Variants in PSMA1 observed in about 807,000 individuals in gnomAD.
PSMA1 encodes the protein proteasome subunit alpha type-1.
In PSMA1, 3 loss-of-function variants were observed where a neutral mutation model predicts 38.4. That is an observed-to-expected ratio of 0.08 (90% CI 0.04 to 0.20). The LOEUF (loss-of-function observed/expected upper bound fraction) is 0.20. Among genes scored for constraint, PSMA1 ranks in the 10% least tolerant of loss-of-function variants. The pLI, the probability that PSMA1 is intolerant of heterozygous loss-of-function variation, is 1.00. For missense variants in PSMA1, 227 were observed against 325.3 expected (o/e 0.70, Z 2.32); for synonymous variants, 101 against 107.1 (o/e 0.94, Z 0.35).
chr11:14,539,994 A>G (rs1851754450), intron 2 of PSMA1, among the ~76,000 whole-genome samples: 1 of 152,244 alleles, frequency 6.6e-6, no homozygotes, highest in Admixed American at 6.5e-5. Flanking sequence ...GATTTGCAGC[A>G]TTTAGCCTGT....
intron 2 of PSMA1, among the ~76,000 whole-genome samples, chr11:14,588,518 CAG>C (rs984396444): frequency 5.9e-5 from 9 of 152,030 alleles, no homozygotes; most frequent in African/African-American, 2.2e-4. Context: ...AAAGAAAAAA[CAG>C]AGTTTGGAGA....
At chr11:14,583,744 T>C in intron 2 of PSMA1, among the ~76,000 whole-genome samples, 1 of 152,316 alleles carries the variant, frequency 6.6e-6, no homozygotes, top group East Asian at 1.9e-4. Flanking sequence ...GACACAACAT[T>C]AGGAGAAAAG....
At chr11:14,587,065 A>T (rs762901893) in intron 2 of PSMA1, among the ~76,000 whole-genome samples, 1 of 152,140 alleles carries the variant, frequency 6.6e-6, no homozygotes, top group Non-Finnish European at 1.5e-5. Context: ...CATTCATCAT[A>T]GCCCCAAATT....
Position 14,520,385 on chromosome 11 carries a change from A to G in PSMA1, c.-86T>C. The G allele has an allele frequency of 6.2e-7, 1 of 1,613,996 alleles. No homozygotes were observed. Among genetic ancestry groups the G allele is most frequent in the Non-Finnish European group, 8.5e-7 (1 of 1,179,922 alleles). On this transcript the variant is annotated 5_prime_UTR_variant, in exon 1 of 10. Coordinates refer to ENST00000396394, the MANE Select transcript of PSMA1 (RefSeq NM_002786.4). ...GAAAGTATCGCTCAGCGATCTACAG[A>G]GAAGTCTGCGGGAGTTTGACGGCGG...
intron 2 of PSMA1, among the ~76,000 whole-genome samples, chr11:14,537,147 A>G (rs1372642435): frequency 6.6e-6 from 1 of 152,234 alleles, no homozygotes; most frequent in Non-Finnish European, 1.5e-5. Context: ...ATTGTTTACA[A>G]TAAAAGTAAT....
chr11:14,538,514 T>C (rs1851736334), intron 2 of PSMA1, among the ~76,000 whole-genome samples: 1 of 152,236 alleles, frequency 6.6e-6, no homozygotes, highest in Non-Finnish European at 1.5e-5. Flanking sequence ...TACGCCAGCT[T>C]CCATATCCCT....
chr11:14,574,357 G>C (rs551769616), intron 2 of PSMA1, among the ~76,000 whole-genome samples: 1 of 152,176 alleles, frequency 6.6e-6, no homozygotes, highest in African/African-American at 2.4e-5. Flanking sequence ...GTGGCTCAAA[G>C]TTACCCAGGT....
intron 1 of PSMA1, among the ~76,000 whole-genome samples, chr11:14,615,997 G>A (rs1590011723): frequency 6.6e-6 from 1 of 152,162 alleles, no homozygotes; most frequent in East Asian, 1.9e-4. Flanking sequence ...TGAGAATCAA[G>A]TAAAGAGCTG....
At chr11:14,561,470 G>A (rs1020993610) in intron 2 of PSMA1, among the ~76,000 whole-genome samples, 1 of 152,178 alleles carries the variant, frequency 6.6e-6, no homozygotes, top group Non-Finnish European at 1.5e-5. Context: ...TTTGGCTTTT[G>A]CAGTCAGCTG....
At chr11:14,627,271 G>A (rs1852923381) in intron 1 of PSMA1, among the ~76,000 whole-genome samples, 1 of 152,122 alleles carries the variant, frequency 6.6e-6, no homozygotes, top group Non-Finnish European at 1.5e-5. Flanking sequence ...ATCCATTCCA[G>A]GGTCTATTCG....
In PSMA1 at chr11:14,639,303, A is replaced by AAAAT; in HGVS notation, c.-166+4151_-166+4152insATTT. 2.0e-5 allele frequency among the ~76,000 whole-genome samples: 3 copies of AAAAT among 152,332 alleles called. No individual in the cohort carries two copies. In the East Asian group the frequency reaches 5.8e-4, roughly 29 times the overall value. On this transcript the variant is annotated intron_variant, in intron 1 of 10. Coordinates refer to the PSMA1 transcript ENST00000418988. ...AGTGATTTGGTGCAAATGAATGTTAAGAAAAATATTTTAAAATCACAATAT... is the reference window on the plus strand; with the variant it reads ...AGTGATTTGGTGCAAATGAATGTTAAAAATGAAAAATATTTTAAAATCACAATAT...
chr11:14,592,710 G>T (rs1244729886), intron 2 of PSMA1, among the ~76,000 whole-genome samples: 1 of 152,122 alleles, frequency 6.6e-6, no homozygotes, highest in Admixed American at 6.5e-5. Context: ...GTAGAATTTT[G>T]TTTCTTGCTT....
At position 14,581,551 on chromosome 11, in the gene PSMA1, T is replaced by C. The variant is rs965264638; in HGVS notation, c.21+29415A>G. 1.3e-5 allele frequency among the ~76,000 whole-genome samples: 2 copies of C among 152,178 alleles called. 1 individual carries two copies. Among genetic ancestry groups the C allele is most frequent in the Non-Finnish European group, 2.9e-5 (2 of 68,030 alleles). On this transcript the variant is annotated intron_variant, in intron 2 of 10. Transcript: ENST00000418988. ...CAGTAAGTGTTATCTATGTTATAACTATTCAGAGGCAAATACACTAAAAAA... is the reference window on the plus strand; with the variant it reads ...CAGTAAGTGTTATCTATGTTATAACCATTCAGAGGCAAATACACTAAAAAA...
chr11:14,507,645 T>C lies in PSMA1; in HGVS notation c.735+11A>G, dbSNP rs775298557. ...AATAGAACTAAAGCCTCTTGTGTTA[T>C]GATTATATACCTGTGCCTTTCTCTG... On this transcript the variant is annotated intron_variant, in intron 9 of 9. Transcript: ENST00000396394. 2.5e-5 allele frequency: 38 copies of C among 1,545,966 alleles called. No homozygotes were observed. Among genetic ancestry groups the C allele is most frequent in the South Asian group, 5.6e-5 (5 of 89,608 alleles).
intron 2 of PSMA1, among the ~76,000 whole-genome samples, chr11:14,549,579 T>G (rs183621009): frequency 6.6e-6 from 1 of 151,800 alleles, no homozygotes; most frequent in Non-Finnish European, 1.5e-5. Context: ...CGGGCCCCTG[T>G]AGTCCCAGCT....
intron 2 of PSMA1, among the ~76,000 whole-genome samples, chr11:14,596,047 T>G (rs1852488118): frequency 6.6e-6 from 1 of 152,198 alleles, no homozygotes; most frequent in African/African-American, 2.4e-5. Context: ...AAAGATCAGA[T>G]GGTTGTAGAT....
At chr11:14,583,339 T>C (rs955005691) in intron 2 of PSMA1, among the ~76,000 whole-genome samples, 1 of 152,220 alleles carries the variant, frequency 6.6e-6, no homozygotes, top group Non-Finnish European at 1.5e-5. Context: ...TCAGGCCGTT[T>C]GTACATCCAG....
chr11:14,594,984 C>T (rs1340892338), intron 2 of PSMA1, among the ~76,000 whole-genome samples: 1 of 152,054 alleles, frequency 6.6e-6, no homozygotes, highest in Non-Finnish European at 1.5e-5. Context: ...GTTCAATTCC[C>T]ACCTATGGGT....
Position 14,517,761 on chromosome 11 carries a change from A to C in PSMA1, c.151-16T>G. 1 of 1,500,304 alleles carries C rather than the reference A, an allele frequency of 6.7e-7. No homozygotes were observed. The highest frequency in any genetic ancestry group is 8.9e-7 in the Non-Finnish European group (1 of 1,123,438). The allele number at this position is 1,500,304 out of a possible 1,614,324, so 92.9% of individuals were successfully genotyped here. A position where few individuals can be genotyped will look rare whatever the true frequency, so the allele number is the denominator to read the frequency against. On this transcript the variant is annotated splice_polypyrimidine_tract_variant and intron_variant, in intron 3 of 9. Coordinates refer to ENST00000396394, the MANE Select transcript of PSMA1 (RefSeq NM_002786.4). ...ATTGCGCCCTCTAAATAGAGACATT[A>C]TAAGATGTAAAAAAAAAAAAAAAAG...
Sources: gnomAD v4.1 joint callset for allele counts (sites outside exome capture counted in the v4.1 genomes callset) on GRCh38, gnomAD v4.1.1 for gene constraint, MANE v1.5 for transcripts, NCBI Gene and HGNC (gene_info 2026-07-23, HGNC 2026-07-21) for gene names.